Variants in TFDP2 observed in about 807,000 individuals in gnomAD.
TFDP2 encodes the protein transcription factor Dp-2 (E2F dimerization partner 2).
Under a neutral mutation model 59.3 loss-of-function variants are expected in TFDP2, and 17 were observed. The observed-to-expected ratio is 0.29, with a 90% CI of 0.20 to 0.43. TFDP2 has a LOEUF of 0.43. TFDP2 is among the 20% of genes least tolerant of loss of function. The pLI is 1.00. For synonymous variants in TFDP2, 180 were observed against 194.7 expected, an observed-to-expected ratio of 0.92 and a Z score of 0.63; for missense variants, 391 against 528.8, an observed-to-expected ratio of 0.74 and a Z score of 2.56.
intron 6 of TFDP2, among the ~76,000 whole-genome samples, chr3:141,988,810 G>A (rs980988492): frequency 3.3e-5 from 5 of 151,006 alleles, no homozygotes; most frequent in East Asian, 2.0e-4. Context: ...TTACAGGCAC[G>A]CGCCACCATG....
At chr3:142,078,977 C>G (rs1043506313) in intron 3 of TFDP2, among the ~76,000 whole-genome samples, 2 of 151,972 alleles carry the variant, frequency 1.3e-5, no homozygotes, top group Non-Finnish European at 2.9e-5. Flanking sequence ...AAGGATCAAA[C>G]AGAAATTCTA....
intron 7 of TFDP2, among the ~76,000 whole-genome samples, chr3:141,976,865 CAAA>C (rs144559125): frequency 7.3e-6 from 1 of 137,470 alleles, no homozygotes; most frequent in Non-Finnish European, 1.6e-5. Flanking sequence ...CAATGTAATC[CAAA>C]AAAAAAAGGG....
At chr3:142,092,995 A>G in intron 3 of TFDP2, 66 bp downstream of exon 3, 1 of 1,073,794 alleles carries the variant, frequency 9.3e-7, no homozygotes, top group Non-Finnish European at 1.3e-6. Context: ...ATGTAGCTGC[A>G]TATTTTACAA....
At chr3:141,998,443 A>G (rs901290430) in intron 4 of TFDP2, among the ~76,000 whole-genome samples, 3 of 151,908 alleles carry the variant, frequency 2.0e-5, no homozygotes, top group Admixed American at 6.6e-5. Context: ...GTGAAACCCC[A>G]TATCTACCAA....
chr3:142,028,124 T>C (rs1946225291), intron 3 of TFDP2, among the ~76,000 whole-genome samples: 2 of 152,178 alleles, frequency 1.3e-5, no homozygotes, highest in Admixed American at 1.3e-4. Flanking sequence ...CCTTGGGAAG[T>C]ATATTTTGCT....
At chr3:142,081,170 A>G (rs1426633054) in intron 3 of TFDP2, among the ~76,000 whole-genome samples, 4 of 152,220 alleles carry the variant, frequency 2.6e-5, no homozygotes, top group Non-Finnish European at 5.9e-5. Context: ...CTAGACATCA[A>G]TAACAAGAGG....
rs1049354061 is a variant in TFDP2 at position 142,149,228 on chromosome 3, C to A, written c.-138G>T. On this transcript the variant is annotated 5_prime_UTR_variant, in exon 1 of 13. Transcript: ENST00000489671. ...CTGGCGGCCAAGCGAGGCTGTCGGG[C>A]CGAGCCAGGAGCGCGTCTTCGGGCG... 1.7e-4 allele frequency: 68 copies of A among 397,680 alleles called. No individual in the cohort carries two copies. The highest frequency in any genetic ancestry group is 1.2e-3 in the African/African-American group (57 of 48,690). The allele number at this position is 397,680 out of a possible 1,614,324, so 24.6% of individuals were successfully genotyped here. A position where few individuals can be genotyped will look rare whatever the true frequency, so the allele number is the denominator to read the frequency against.
At chr3:142,038,927 CCA>C (rs1306785017) in intron 3 of TFDP2, among the ~76,000 whole-genome samples, 1 of 152,102 alleles carries the variant, frequency 6.6e-6, no homozygotes, top group Non-Finnish European at 1.5e-5. Flanking sequence ...CTAAATCTTC[CCA>C]CAGATCTTCC....
intron 3 of TFDP2, among the ~76,000 whole-genome samples, chr3:142,059,573 T>C (rs2059848857): frequency 6.6e-6 from 1 of 152,124 alleles, no homozygotes; most frequent in African/African-American, 2.4e-5. Context: ...GTCACCGTTC[T>C]CTCCAGCTTT....
At chr3:142,123,620 A>T (rs56132950) in intron 1 of TFDP2, among the ~76,000 whole-genome samples, 12,661 of 152,242 alleles carry the variant, frequency 0.083, 656 homozygotes, top group Middle Eastern at 0.14. Flanking sequence ...AAAGTGATGA[A>T]TAATTACTTA....
Position 142,035,735 on chromosome 3 carries a change from T to G in TFDP2, c.83-30191A>C, listed in dbSNP as rs151102408. Among the ~76,000 whole-genome samples the G allele has an allele frequency of 1.0e-3, 158 of 152,256 alleles. 1 individual carries two copies. Among genetic ancestry groups the G allele is most frequent in the African/African-American group, 3.4e-3 (142 of 41,562 alleles). ...TCTTGTAATGGTAAGACTCATGAGA[T>G]CTGCTGGTTACTATAAGTGGGAGTT... On this transcript the variant is annotated intron_variant, in intron 3 of 12. Transcript: ENST00000489671.
At chr3:142,106,561 C>A (rs972276084) in intron 1 of TFDP2, among the ~76,000 whole-genome samples, 8 of 152,226 alleles carry the variant, frequency 5.3e-5, no homozygotes, top group African/African-American at 1.9e-4. Flanking sequence ...AAGAAGTTGC[C>A]ATCTTTGGCA....
intron 3 of TFDP2, among the ~76,000 whole-genome samples, chr3:142,068,300 A>G (rs984554219): frequency 1.3e-5 from 2 of 152,310 alleles, no homozygotes; most frequent in South Asian, 2.1e-4. Context: ...GACTTAAAAC[A>G]TAAAATACAA....
At chr3:142,148,196 A>G (rs1314207230) in intron 1 of TFDP2, among the ~76,000 whole-genome samples, 3 of 152,170 alleles carry the variant, frequency 2.0e-5, no homozygotes, top group Non-Finnish European at 4.4e-5. Flanking sequence ...GGGAAGGAGA[A>G]GGCTGAGCTA....
At chr3:142,032,162 G>A (rs777567881) in intron 3 of TFDP2, among the ~76,000 whole-genome samples, 1 of 151,712 alleles carries the variant, frequency 6.6e-6, no homozygotes, top group Non-Finnish European at 1.5e-5. Context: ...ATGTGCAGTG[G>A]TGTGATCACA....
At chr3:141,984,445 C>T (rs548974486) in intron 6 of TFDP2, among the ~76,000 whole-genome samples, 189 of 152,084 alleles carry the variant, frequency 1.2e-3, no homozygotes, top group African/African-American at 4.1e-3. Flanking sequence ...TTTAGTGAGC[C>T]GAGATCACGC....
In TFDP2 at chr3:141,952,964, G is replaced by A. The variant is rs781774808; in HGVS notation, c.1104C>T (p.Thr368=). 1.8e-5 allele frequency: 29 copies of A among 1,614,066 alleles called. No homozygotes were observed. In the East Asian group the frequency reaches 6.0e-4, roughly 33 times the overall value. The change falls in exon 12 of 13, where the codon ACC becomes ACT. Residue 368 remains threonine (T), a synonymous_variant. Coordinates refer to ENST00000489671, the MANE Select transcript of TFDP2 (RefSeq NM_001178139.2). The part of the protein sequence containing the change: ...WLNQGLLLNS[T]QSVSNLDLTT... ...TCAGGTCTAAATTTGAAACTGATTGGGTAGAGTTCAGAAGTAGTCCCTGAT... is the reference window on the plus strand; with the variant it reads ...TCAGGTCTAAATTTGAAACTGATTGAGTAGAGTTCAGAAGTAGTCCCTGAT...
At chr3:142,080,193 G>A (rs1164002266) in intron 3 of TFDP2, among the ~76,000 whole-genome samples, 2 of 152,058 alleles carry the variant, frequency 1.3e-5, no homozygotes, top group African/African-American at 2.4e-5. Flanking sequence ...GCGAACTCTT[G>A]AACTCAAGTG....
intron 3 of TFDP2, among the ~76,000 whole-genome samples, chr3:142,020,677 T>C (rs1945518638): frequency 6.8e-6 from 1 of 147,470 alleles, no homozygotes; most frequent in Non-Finnish European, 1.5e-5. Context: ...TACCTTTTTC[T>C]TTAAAAAAAA....
Sources: gnomAD v4.1 joint callset for allele counts (sites outside exome capture counted in the v4.1 genomes callset) on GRCh38, gnomAD v4.1.1 for gene constraint, MANE v1.5 for transcripts, NCBI Gene and HGNC (gene_info 2026-07-23, HGNC 2026-07-21) for gene names.